Variants in HHAT observed in about 807,000 individuals in gnomAD.
The protein encoded by HHAT is hedgehog acyltransferase.
In HHAT, 47 loss-of-function variants were observed where a neutral mutation model predicts 70.8. That is an observed-to-expected ratio of 0.66 (90% CI 0.53 to 0.85). The LOEUF is 0.85. Among genes scored for constraint, HHAT ranks in the 40% least tolerant of loss-of-function variants. HHAT has a pLI of 0.00. For synonymous variants in HHAT, 228 were observed against 247.6 expected, an observed-to-expected ratio of 0.92 and a Z score of 0.74; for missense variants, 609 against 604.8, an observed-to-expected ratio of 1.01 and a Z score of -0.07.
At chr1:210,571,839 A>G (rs1169736379) in intron 9 of HHAT, among the ~76,000 whole-genome samples, 1 of 152,036 alleles carries the variant, frequency 6.6e-6, no homozygotes, top group Non-Finnish European at 1.5e-5. Flanking sequence ...TCTACAGAAG[A>G]CTCTGCTTTG....
intron 3 of HHAT, among the ~76,000 whole-genome samples, chr1:210,363,640 G>A (rs1371789378): frequency 6.6e-6 from 1 of 152,194 alleles, no homozygotes. Flanking sequence ...TTTCAGCTAT[G>A]ACTTGGACTG....
chr1:210,374,239 A>AT (rs2089960337), intron 3 of HHAT: 1 of 149,268 alleles, frequency 6.7e-6, no homozygotes. Context: ...AAGGCGAAAG[A>AT]TTTATTCGAT....
chr1:210,422,127 A>G (rs2092921258), intron 7 of HHAT, among the ~76,000 whole-genome samples: 1 of 152,228 alleles, frequency 6.6e-6, no homozygotes, highest in Non-Finnish European at 1.5e-5. Context: ...AATATAAACC[A>G]TTCAAAATAA....
At chr1:210,647,468 CTG>C (rs1261512542) in intron 11 of HHAT, among the ~76,000 whole-genome samples, 5 of 152,202 alleles carry the variant, frequency 3.3e-5, no homozygotes, top group African/African-American at 1.2e-4. Flanking sequence ...TATCTCTCCA[CTG>C]TAACCAGCAG....
intron 8 of HHAT, among the ~76,000 whole-genome samples, chr1:210,479,584 C>T (rs1158228065): frequency 6.6e-6 from 1 of 152,168 alleles, no homozygotes; most frequent in African/African-American, 2.4e-5. Flanking sequence ...CCTGAGACAA[C>T]ACCATGTCAT....
intron 9 of HHAT, among the ~76,000 whole-genome samples, chr1:210,517,785 A>G (rs2095083142): frequency 6.6e-6 from 1 of 152,216 alleles, no homozygotes; most frequent in Non-Finnish European, 1.5e-5. Context: ...ATTTCAAAAC[A>G]TGTTGTACAC....
intron 2 of HHAT, among the ~76,000 whole-genome samples, chr1:210,354,195 CTTTTTTTTTTTTTTT>C (rs71146220): frequency 5.8e-5 from 6 of 102,614 alleles, no homozygotes; most frequent in Non-Finnish European, 1.1e-4. Flanking sequence ...AACATAATGT[CTTTTTTTTTTTTTTT>C]TTTTTTTTTT....
At chr1:210,549,192 G>A (rs2095508670) in intron 9 of HHAT, among the ~76,000 whole-genome samples, 1 of 150,096 alleles carries the variant, frequency 6.7e-6, no homozygotes, top group South Asian at 2.1e-4. Flanking sequence ...AAGCTCTAAG[G>A]TAGGCATGAT....
intron 9 of HHAT, 39 bp downstream of exon 9, chr1:210,513,227 C>A (rs1365536836): frequency 9.5e-6 from 9 of 949,358 alleles, no homozygotes; most frequent in East Asian, 2.4e-5. Flanking sequence ...CATTGAATAA[C>A]ATGTCTATTA....
chr1:210,510,231 G>A (rs544894597), intron 8 of HHAT, among the ~76,000 whole-genome samples: 4 of 152,218 alleles, frequency 2.6e-5, no homozygotes, highest in African/African-American at 9.6e-5. Context: ...GAATTGGTTT[G>A]GCTGGCCACC....
At chr1:210,416,871 C>A (rs1445949408) in intron 6 of HHAT, among the ~76,000 whole-genome samples, 1 of 152,096 alleles carries the variant, frequency 6.6e-6, no homozygotes, top group Non-Finnish European at 1.5e-5. Flanking sequence ...ACTTCACATA[C>A]TTCATCATAT....
At chr1:210,382,670 TGGGGAG>T (rs773209503) in intron 3 of HHAT, among the ~76,000 whole-genome samples, 8 of 152,190 alleles carry the variant, frequency 5.3e-5, no homozygotes, top group Non-Finnish European at 1.0e-4. Context: ...GAGGTCCACC[TGGGGAG>T]GTAGGTATGG....
chr1:210,526,314 G>A (rs2095243912), intron 9 of HHAT, among the ~76,000 whole-genome samples: 1 of 150,414 alleles, frequency 6.6e-6, no homozygotes, highest in Admixed American at 6.7e-5. Flanking sequence ...GGCCCTGTCA[G>A]AGATTGTGCA....
intron 9 of HHAT, among the ~76,000 whole-genome samples, chr1:210,551,780 T>A (rs1007062470): frequency 2.0e-5 from 3 of 152,210 alleles, no homozygotes; most frequent in African/African-American, 7.2e-5. Flanking sequence ...TTACAGAAGC[T>A]TTTGCCTTTG....
At chr1:210,456,943 G>C (rs2093882089) in intron 7 of HHAT, among the ~76,000 whole-genome samples, 1 of 152,156 alleles carries the variant, frequency 6.6e-6, no homozygotes, top group Non-Finnish European at 1.5e-5. Flanking sequence ...GGAGTATGTG[G>C]CAGCTGTTCC....
chr1:210,478,833 T>C (rs2094346538), intron 8 of HHAT, among the ~76,000 whole-genome samples: 1 of 152,196 alleles, frequency 6.6e-6, no homozygotes, highest in Non-Finnish European at 1.5e-5. Context: ...TCTGGAACTG[T>C]TGGCCCCGAG....
chr1:210,374,857 G>A (rs1474831988), intron 3 of HHAT, among the ~76,000 whole-genome samples: 1 of 151,102 alleles, frequency 6.6e-6, no homozygotes, highest in Non-Finnish European at 1.5e-5. Flanking sequence ...TGACGCTGAG[G>A]TTGAGGGTAT....
At chr1:210,511,010 C>T (rs1449632430) in intron 8 of HHAT, among the ~76,000 whole-genome samples, 2 of 152,158 alleles carry the variant, frequency 1.3e-5, no homozygotes, top group Non-Finnish European at 2.9e-5. Context: ...CATACTTCTA[C>T]CTCCCATATT....
intron 7 of HHAT, among the ~76,000 whole-genome samples, chr1:210,422,368 T>G (rs561882031): frequency 4.5e-4 from 68 of 152,332 alleles, no homozygotes; most frequent in Non-Finnish European, 9.3e-4. Context: ...TTGAACTTAT[T>G]CTACCTATTG....
Sources: allele counts gnomAD v4.1 joint callset (sites outside exome capture counted in the v4.1 genomes callset), GRCh38; gene constraint gnomAD v4.1.1; transcripts MANE v1.5; gene names NCBI Gene and HGNC (gene_info 2026-07-23, HGNC 2026-07-21).